The following ERC2 variants were observed in gnomAD, a reference collection of about 807,000 sequenced individuals.
The protein encoded by ERC2 is ERC protein 2.
Under a neutral mutation model 114.8 loss-of-function variants are expected in ERC2, and 42 were observed. That is an observed-to-expected ratio of 0.37 (90% CI 0.29 to 0.47). ERC2 has a LOEUF of 0.47. Ranked by LOEUF, ERC2 falls within the 20% of genes least tolerant of loss-of-function variation. The pLI, the probability that ERC2 is intolerant of heterozygous loss-of-function variation, is 0.99. For missense variants in ERC2, 939 were observed against 1,150.7 expected, an observed-to-expected ratio of 0.82 and a Z score of 2.66; for synonymous variants, 454 against 425.5, an observed-to-expected ratio of 1.07 and a Z score of -0.82.
chr3:56,373,055 G>A (rs1182647117), intron 2 of ERC2, among the ~76,000 whole-genome samples: 1 of 152,182 alleles, frequency 6.6e-6, no homozygotes, highest in Non-Finnish European at 1.5e-5. Flanking sequence ...AATACAGAAT[G>A]TAAATTCTTT....
intron 2 of ERC2, among the ~76,000 whole-genome samples, chr3:56,428,872 T>C (rs1044606967): frequency 1.3e-5 from 2 of 152,224 alleles, no homozygotes; most frequent in Non-Finnish European, 2.9e-5. Flanking sequence ...GTCCCACTTC[T>C]GCACACGCAA....
At chr3:55,937,760 T>C (rs2066539774) in intron 13 of ERC2, among the ~76,000 whole-genome samples, 1 of 152,264 alleles carries the variant, frequency 6.6e-6, no homozygotes, top group Non-Finnish European at 1.5e-5. Flanking sequence ...TATATCTCTG[T>C]AAGTTTCTAT....
intron 3 of ERC2, among the ~76,000 whole-genome samples, chr3:56,247,085 T>C (rs2051761736): frequency 6.6e-6 from 1 of 152,230 alleles, no homozygotes; most frequent in Non-Finnish European, 1.5e-5. Flanking sequence ...AAAACTGGTG[T>C]GGACACTTTA....
chr3:56,134,531 G>A (rs1311175610), intron 6 of ERC2, among the ~76,000 whole-genome samples: 2 of 152,124 alleles, frequency 1.3e-5, no homozygotes, highest in African/African-American at 4.8e-5. Flanking sequence ...ATACACTACT[G>A]CATGTGAATA....
rs144262040 is a variant in ERC2, at chr3:56,368,077, G to A, written c.657+66274C>T. On this transcript the variant is annotated intron_variant, in intron 2 of 17. Transcript: ENST00000288221. The stretch of plus-strand genomic sequence containing the variant: ...GTACTATGCTCAGTACCTGGGTGAC[G>A]GGATCAATCATACTCCAAACCTGTG... Among the ~76,000 whole-genome samples the A allele has an allele frequency of 1.5e-3, 226 of 151,508 alleles. 1 individual carries two copies. Among genetic ancestry groups the A allele is most frequent in the African/African-American group, 1.5e-3 (61 of 41,298 alleles).
At chr3:56,333,566 A>AT (rs1342253584) in intron 2 of ERC2, among the ~76,000 whole-genome samples, 1 of 152,240 alleles carries the variant, frequency 6.6e-6, no homozygotes, top group Non-Finnish European at 1.5e-5. Context: ...GTTAGTTCAT[A>AT]TTTACCTATG....
intron 16 of ERC2, among the ~76,000 whole-genome samples, chr3:55,695,283 T>C (rs114911217): frequency 0.036 from 5,474 of 152,314 alleles, 150 homozygotes; most frequent in Non-Finnish European, 0.049. Flanking sequence ...ATGGGAAATA[T>C]TTGTTGTCTG....
chr3:55,867,575 A>C (rs1050176030), intron 14 of ERC2, among the ~76,000 whole-genome samples: 6 of 152,356 alleles, frequency 3.9e-5, no homozygotes, highest in Admixed American at 2.0e-4. Context: ...AATTGTAACA[A>C]AATGCAATCG....
At chr3:55,939,985 C>T (rs1201304508) in intron 13 of ERC2, among the ~76,000 whole-genome samples, 3 of 152,204 alleles carry the variant, frequency 2.0e-5, no homozygotes, top group African/African-American at 7.2e-5. Context: ...CTCAAAATGG[C>T]AGACCCTGCA....
chr3:55,569,158 T>C (rs1323371423), intron 17 of ERC2, among the ~76,000 whole-genome samples: 2 of 152,078 alleles, frequency 1.3e-5, no homozygotes, highest in Admixed American at 1.3e-4. Context: ...GCACCAAAAC[T>C]CTAGAAGTCA....
At chr3:56,178,163 T>C (rs1009202844) in intron 3 of ERC2, among the ~76,000 whole-genome samples, 5 of 152,228 alleles carry the variant, frequency 3.3e-5, no homozygotes, top group African/African-American at 1.2e-4. Flanking sequence ...TGGGTTAATC[T>C]GGATGGACAC....
At chr3:56,044,625 A>T (rs1372862933) in intron 7 of ERC2, among the ~76,000 whole-genome samples, 1 of 152,160 alleles carries the variant, frequency 6.6e-6, no homozygotes, top group East Asian at 1.9e-4. Context: ...ATGCTCTTTA[A>T]TTTAATTTAA....
chr3:56,445,657 C>T lies in ERC2; in HGVS notation c.-140-10510G>A, dbSNP rs1041926791. Among the ~76,000 whole-genome samples, 3 of 152,288 alleles carry T rather than the reference C, an allele frequency of 2.0e-5. No individual in the cohort carries two copies. In the South Asian group the frequency reaches 6.2e-4, roughly 32 times the overall value. On this transcript the variant is annotated intron_variant, in intron 1 of 17. Transcript: ENST00000288221. Reference sequence around the variant, plus strand: ...GAGGCCCTGCAGGATCTGAGTACAGCCAACAGCCCCCGCCTCCCCTCTTGC... The same window carrying T: ...GAGGCCCTGCAGGATCTGAGTACAGTCAACAGCCCCCGCCTCCCCTCTTGC...
At chr3:56,152,115 G>T (rs1403305072) in intron 4 of ERC2, among the ~76,000 whole-genome samples, 1 of 152,126 alleles carries the variant, frequency 6.6e-6, no homozygotes, top group Non-Finnish European at 1.5e-5. Context: ...TTTTCCCAAA[G>T]TTCACAGAAC....
chr3:56,012,278 C>T (rs1351473226), intron 8 of ERC2, among the ~76,000 whole-genome samples: 1 of 152,186 alleles, frequency 6.6e-6, no homozygotes, highest in Non-Finnish European at 1.5e-5. Flanking sequence ...CCTTCCACTA[C>T]ATGGCTGTTG....
intron 2 of ERC2, among the ~76,000 whole-genome samples, chr3:56,381,548 T>C (rs563418714): frequency 6.6e-6 from 1 of 151,318 alleles, no homozygotes; most frequent in African/African-American, 2.4e-5. Context: ...AATTTACTTT[T>C]AAAAAAAAAT....
chr3:55,658,682 C>T (rs1575985577), intron 17 of ERC2: 1 of 152,698 alleles, frequency 6.5e-6, no homozygotes. Context: ...GAATATCTCC[C>T]TCTCCCTGTT....
At chr3:55,550,885 G>A (rs1469105225) in intron 17 of ERC2, among the ~76,000 whole-genome samples, 3 of 151,842 alleles carry the variant, frequency 2.0e-5, no homozygotes, top group East Asian at 3.9e-4. Context: ...GCGTGGTGGT[G>A]GGTGCCTGTA....
At chr3:55,915,736 T>A (rs1018858992) in intron 13 of ERC2, among the ~76,000 whole-genome samples, 3 of 152,136 alleles carry the variant, frequency 2.0e-5, no homozygotes, top group South Asian at 2.1e-4. Context: ...GACAACAGCC[T>A]CAATTAAGAT....
Sources: allele counts gnomAD v4.1 joint callset (sites outside exome capture counted in the v4.1 genomes callset), GRCh38; gene constraint gnomAD v4.1.1; transcripts MANE v1.5; gene names NCBI Gene and HGNC (gene_info 2026-07-23, HGNC 2026-07-21).